RCBTB2: variants seen among roughly 807,000 people sequenced by gnomAD.
RCBTB2 encodes RCC1 and BTB domain-containing protein 2.
A neutral mutation model predicts 65.4 loss-of-function variants in RCBTB2; 55 were observed. That is an observed-to-expected ratio of 0.84 (90% confidence interval 0.68 to 1.05). The LOEUF (loss-of-function observed/expected upper bound fraction) is 1.05. Among genes scored for constraint, RCBTB2 ranks in the 50% least tolerant of loss-of-function variants. The pLI is 0.00. For synonymous variants in RCBTB2, 220 were observed against 255.2 expected (o/e 0.86, Z 1.31); for missense variants, 599 against 680.1 (o/e 0.88, Z 1.33).
At chr13:48,528,567 C>CA (rs1951933998) in intron 1 of RCBTB2, among the ~76,000 whole-genome samples, 1 of 152,100 alleles carries the variant, frequency 6.6e-6, no homozygotes, top group Non-Finnish European at 1.5e-5. Context: ...TAATGAGCTG[C>CA]AGACCACATA....
At chr13:48,515,859 T>A in intron 4 of RCBTB2, 118 bp from the exon 5 acceptor site, 1 of 1,006,252 alleles carries the variant, frequency 9.9e-7, no homozygotes, top group Non-Finnish European at 1.4e-6. Context: ...GCATCCATTT[T>A]TGAGAGGCCT....
chr13:48,525,396 A>G (rs1194536359), intron 1 of RCBTB2, among the ~76,000 whole-genome samples: 1 of 138,734 alleles, frequency 7.2e-6, no homozygotes, highest in African/African-American at 2.7e-5. Flanking sequence ...ATATATATAT[A>G]TATATATATA....
At chr13:48,493,315 ACTCTCTCTCT>A (rs3085593) in intron 14 of RCBTB2, among the ~76,000 whole-genome samples, 63 of 75,070 alleles carry the variant, frequency 8.4e-4, no homozygotes, top group African/African-American at 2.0e-3. Context: ...ACACACACAC[ACTCTCTCTCT>A]CTCTCTCTCT....
At chr13:48,507,485 TC>T (rs1474652822) in intron 10 of RCBTB2, among the ~76,000 whole-genome samples, 1 of 152,160 alleles carries the variant, frequency 6.6e-6, no homozygotes, top group African/African-American at 2.4e-5. Flanking sequence ...GGAAAAAAAA[TC>T]ACTACATGTT....
At chr13:48,535,804 T>C, upstream of RCBTB2, 1 of 455,994 alleles carries the variant, frequency 2.2e-6, no homozygotes, top group Non-Finnish European at 4.4e-6. Flanking sequence ...GGCAGCTCCA[T>C]TGGCTCATCC....
intron 13 of RCBTB2, among the ~76,000 whole-genome samples, chr13:48,496,612 A>G (rs1309582739): frequency 3.4e-5 from 5 of 148,920 alleles, no homozygotes; most frequent in Non-Finnish European, 7.4e-5. Flanking sequence ...GCCTTGAATG[A>G]CCCCTTCCCC....
chr13:48,517,353 C>G (rs761241604), intron 4 of RCBTB2, among the ~76,000 whole-genome samples: 1 of 152,200 alleles, frequency 6.6e-6, no homozygotes, highest in Non-Finnish European at 1.5e-5. Flanking sequence ...TCACAGCCCT[C>G]CTTTCCATCT....
chr13:48,518,472 AATATAT>A (rs779789935), intron 4 of RCBTB2, among the ~76,000 whole-genome samples: 5 of 116,618 alleles, frequency 4.3e-5, no homozygotes, highest in Non-Finnish European at 8.5e-5. Flanking sequence ...AAAAAAAAAA[AATATAT>A]ATATATATAT....
upstream of RCBTB2, chr13:48,535,555 C>T (rs1485735197): frequency 4.8e-6 from 2 of 416,702 alleles, no homozygotes; most frequent in Non-Finnish European, 9.7e-6. Flanking sequence ...CATGCTTGGC[C>T]CTCCTATTCA....
chr13:48,521,654 T>C (rs945884682), intron 4 of RCBTB2, among the ~76,000 whole-genome samples: 1 of 151,656 alleles, frequency 6.6e-6, no homozygotes, highest in Non-Finnish European at 1.5e-5. Context: ...GCGCCTCATC[T>C]GTCACTGTCA....
In RCBTB2 at chr13:48,499,626, G is replaced by T. The variant is rs765824262; in HGVS notation, c.1379C>A (p.Ala460Glu). The T allele has an allele frequency of 6.2e-7, 1 of 1,613,682 alleles. No homozygotes were observed. Among genetic ancestry groups the T allele is most frequent in the Non-Finnish European group, 8.5e-7 (1 of 1,179,924 alleles). ...TDSISLSPEE[A>E]VGLLDLATFY... ...TGGAAGTCTTTGGCAATTACCTACT[G>T]CCTCCTCAGGAGAAAGGCTGATGCT... is the stretch of plus-strand genomic sequence containing the variant. Residue 460 changes from alanine (A) to glutamate (E), a missense_variant, in exon 13 of 15, where the codon GCA (alanine) becomes GAA (glutamate). By Grantham distance (107) the Ala-to-Glu change is moderately radical. Coordinates refer to ENST00000344532, the MANE Select transcript of RCBTB2 (RefSeq NM_001268.4).
chr13:48,498,156 G>A (rs1219035321), intron 13 of RCBTB2, among the ~76,000 whole-genome samples: 1 of 152,212 alleles, frequency 6.6e-6, no homozygotes, highest in African/African-American at 2.4e-5. Context: ...ATGCAAGCTA[G>A]GGTGCCCACA....
At chr13:48,499,412 G>A (rs369939077) in intron 13 of RCBTB2, among the ~76,000 whole-genome samples, 183 of 152,312 alleles carry the variant, frequency 1.2e-3, no homozygotes, top group African/African-American at 4.0e-3. Context: ...AATGCTCCAC[G>A]GTGGTGATGA....
In RCBTB2 at chr13:48,499,639, A is replaced by G. The variant is rs758962252; in HGVS notation, c.1366T>C (p.Ser456Pro). 6.2e-7 allele frequency: 1 copy of G among 1,614,072 alleles called. No homozygotes were observed. The highest frequency in any genetic ancestry group is 2.2e-5 in the East Asian group (1 of 44,890). Reference protein sequence around the residue: ...EYLYTDSISLSPEEAVGLLDL... With the variant: ...EYLYTDSISLPPEEAVGLLDL... ...CAATTACCTACTGCCTCCTCAGGAG[A>G]AAGGCTGATGCTGTCTGTGTATAGG... The change falls in exon 13 of 15, where the codon TCT becomes CCT. Residue 456 changes from serine (S) to proline (P), a missense_variant. Coordinates refer to ENST00000344532, the MANE Select transcript of RCBTB2 (RefSeq NM_001268.4).
At position 48,499,656 on chromosome 13, in the gene RCBTB2, G is replaced by C; in HGVS notation, c.1349C>G (p.Thr450Arg). 6.2e-7 allele frequency: 1 copy of C among 1,614,204 alleles called. No homozygotes were observed. The highest frequency in any genetic ancestry group is 8.5e-7 in the Non-Finnish European group (1 of 1,180,028). ...VYRAFLEYLY[T>R]DSISLSPEEA... ...CTCAGGAGAAAGGCTGATGCTGTCT[G>C]TGTATAGGTATTCCAGGAAGGCCCG... The change falls in exon 13 of 15, where the codon ACA becomes AGA. Residue 450 changes from threonine to arginine, a missense_variant. Physicochemically the swap from Thr to Arg is moderately conservative, Grantham distance 71. Transcript: ENST00000344532.
chr13:48,512,383 C>A (rs984712253), intron 7 of RCBTB2, among the ~76,000 whole-genome samples: 1 of 152,180 alleles, frequency 6.6e-6, no homozygotes, highest in Non-Finnish European at 1.5e-5. Flanking sequence ...GTTATCTATA[C>A]AAACAGTAAT....
Position 48,533,046 on chromosome 13 carries a change from C to T in RCBTB2, c.-237G>A, listed in dbSNP as rs113468059. The T allele has an allele frequency of 5.3e-3, 2,415 of 454,750 alleles. 43 individuals carry two copies. The highest frequency in any genetic ancestry group is 0.044 in the African/African-American group (2,179 of 49,914). The allele number at this position is 454,750 out of a possible 1,614,324, so 28.2% of individuals were successfully genotyped here. ...CTCTTACCTCCTCGCAGGCCGGAGC[C>T]TTGTCCGCTCCGCCTCCTGGGTAGC... On this transcript the variant is annotated 5_prime_UTR_variant, in exon 1 of 15. Transcript: ENST00000344532.
intron 10 of RCBTB2, among the ~76,000 whole-genome samples, chr13:48,504,873 C>T (rs930309917): frequency 6.6e-6 from 1 of 152,164 alleles, no homozygotes; most frequent in Non-Finnish European, 1.5e-5. Context: ...TGTACCGGCT[C>T]GCCTCAGAGG....
At position 48,527,369 on chromosome 13, in the gene RCBTB2, G is replaced by C. The variant is rs201960216; in HGVS notation, c.-218-2612C>G. Among the ~76,000 whole-genome samples the C allele has an allele frequency of 2.5e-3, 250 of 99,564 alleles. 4 individuals carry two copies. Among genetic ancestry groups the C allele is most frequent in the East Asian group, 0.017 (72 of 4,168 alleles). 65.3% of individuals were successfully genotyped at this position (99,564 alleles called of 152,430 possible). A position where few individuals can be genotyped will look rare whatever the true frequency, so the allele number is the denominator to read the frequency against. On this transcript the variant is annotated intron_variant, in intron 1 of 14. Coordinates refer to ENST00000344532, the MANE Select transcript of RCBTB2 (RefSeq NM_001268.4). ...ATATATATGATATATATTTATATAT[G>C]ATATATATATATGATATATATTTAT...
Sources: allele counts gnomAD v4.1 joint callset (sites outside exome capture counted in the v4.1 genomes callset), GRCh38; gene constraint gnomAD v4.1.1; transcripts MANE v1.5; gene names NCBI Gene and HGNC (gene_info 2026-07-23, HGNC 2026-07-21).